GCNT1: variants seen among roughly 807,000 people sequenced by gnomAD.
GCNT1 encodes glucosaminyl (N-acetyl) transferase 1, also known as beta-1,3-galactosyl-O-glycosyl-glycoprotein beta-1,6-N-acetylglucosaminyltransferase.
A neutral mutation model predicts 26.2 loss-of-function variants in GCNT1; 16 were observed. The ratio of observed to expected loss-of-function variants is 0.61; its 90% confidence interval spans 0.41 to 0.93. The LOEUF (loss-of-function observed/expected upper bound fraction) is 0.93, where lower values mean the gene tolerates loss of function less well. Ranked by LOEUF, GCNT1 falls within the 40% of genes least tolerant of loss-of-function variation. The probability of loss-of-function intolerance (pLI) is 0.00; values close to 1 mark genes in which losing one functional copy is unlikely to be tolerated. For synonymous variants in GCNT1, 183 were observed against 190.8 expected, an observed-to-expected ratio of 0.96 and a Z score of 0.34; for missense variants, 477 against 526.7, an observed-to-expected ratio of 0.91 and a Z score of 0.92.
chr9:76,499,278 C>T (rs1343791389), intron 2 of GCNT1, among the ~76,000 whole-genome samples: 1 of 152,058 alleles, frequency 6.6e-6, no homozygotes, highest in Non-Finnish European at 1.5e-5. Flanking sequence ...CAGGCATGCA[C>T]CACTACGCCC....
upstream of GCNT1, among the ~76,000 whole-genome samples, chr9:76,415,373 C>A (rs1484546045): frequency 6.6e-6 from 1 of 152,142 alleles, no homozygotes; most frequent in East Asian, 1.9e-4. Context: ...GTGAACTTCA[C>A]ATACTGTCTC....
chr9:76,498,056 C>T (rs1824959451), intron 2 of GCNT1, among the ~76,000 whole-genome samples: 1 of 152,144 alleles, frequency 6.6e-6, no homozygotes. Context: ...TTTGCTTTTT[C>T]TGGACATTTA....
At chr9:76,445,387 CTTAT>C (rs1823558423) in intron 1 of GCNT1, among the ~76,000 whole-genome samples, 1 of 151,946 alleles carries the variant, frequency 6.6e-6, no homozygotes, top group South Asian at 2.1e-4. Context: ...TTTTCCTTTC[CTTAT>C]TTATTTATTT....
At chr9:76,395,012 T>C in the GCNT1 span, among the ~76,000 whole-genome samples, 2 of 152,214 alleles carry the variant, frequency 1.3e-5, no homozygotes. Flanking sequence ...AGTCCCTGTC[T>C]GTGACGCTGT....
chr9:76,487,637 A>G (rs1824614961), intron 2 of GCNT1, among the ~76,000 whole-genome samples: 1 of 152,128 alleles, frequency 6.6e-6, no homozygotes, highest in Non-Finnish European at 1.5e-5. Flanking sequence ...TTGGCTTGTT[A>G]TATGGCCTAG....
chr9:76,480,503 C>T lies in GCNT1; in HGVS notation c.-290+20326C>T, dbSNP rs542679429. Among the ~76,000 whole-genome samples the T allele has an allele frequency of 4.5e-4, 69 of 152,032 alleles. 2 individuals are homozygous for T. Among genetic ancestry groups the T allele is most frequent in the African/African-American group, 2.4e-5 (1 of 41,384 alleles). On this transcript the variant is annotated intron_variant, in intron 2 of 3. Transcript: ENST00000376730. ...TCCTCCTGACAAATTTACAGTTTTC[C>T]GCTTTGTGGCATAGACTGAGGGTGT... is the stretch of plus-strand genomic sequence containing the variant.
At chr9:76,398,975 G>T in the GCNT1 span, 2 of 1,505,836 alleles carry the variant, frequency 1.3e-6, no homozygotes, top group South Asian at 1.1e-5. Flanking sequence ...GTTTGCTGCT[G>T]CCACTGGAGC....
intron 1 of GCNT1, among the ~76,000 whole-genome samples, chr9:76,442,766 T>G (rs1358577380): frequency 6.6e-6 from 1 of 152,134 alleles, no homozygotes; most frequent in Non-Finnish European, 1.5e-5. Flanking sequence ...AAATGGTTCT[T>G]AAGTTACAAA....
intron 2 of GCNT1, among the ~76,000 whole-genome samples, chr9:76,463,795 T>C (rs1421682251): frequency 1.3e-5 from 2 of 152,162 alleles, no homozygotes; most frequent in Admixed American, 6.5e-5. Flanking sequence ...TCTTAAGTGG[T>C]ACTTAGGAAA....
chr9:76,500,879 C>T (rs1825044483), intron 2 of GCNT1, 37 bp from the exon 3 acceptor site: 1 of 152,078 alleles, frequency 6.6e-6, no homozygotes, highest in African/African-American at 2.4e-5. Flanking sequence ...ACTATGTGTC[C>T]ATATATCCCT....
At chr9:76,413,662 T>TGTTTG in the GCNT1 span, among the ~76,000 whole-genome samples, 6 of 114,486 alleles carry the variant, frequency 5.2e-5, no homozygotes, top group Non-Finnish European at 7.8e-5. Context: ...TGTTTTTTTT[T>TGTTTG]TTTTTGTTTT....
chr9:76,496,655 C>T (rs934271818), intron 2 of GCNT1, among the ~76,000 whole-genome samples: 1 of 152,136 alleles, frequency 6.6e-6, no homozygotes, highest in Non-Finnish European at 1.5e-5. Context: ...TTCTTTTTCC[C>T]TTCCTTGACT....
At chr9:76,394,842 G>C in the GCNT1 span, among the ~76,000 whole-genome samples, 3 of 152,142 alleles carry the variant, frequency 2.0e-5, no homozygotes, top group African/African-American at 4.8e-5. Flanking sequence ...CGCTCGTTCC[G>C]TTCGCTCTTT....
intron 2 of GCNT1, among the ~76,000 whole-genome samples, chr9:76,484,874 C>T (rs558602227): frequency 1.9e-4 from 29 of 150,514 alleles, no homozygotes; most frequent in Admixed American, 1.6e-3. Context: ...CTGCAACCTC[C>T]GCCTCCCAGA....
chr9:76,484,523 C>T (rs2131620619), intron 2 of GCNT1, among the ~76,000 whole-genome samples: 1 of 152,128 alleles, frequency 6.6e-6, no homozygotes, highest in Non-Finnish European at 1.5e-5. Flanking sequence ...TTTTGCAAAT[C>T]TCTTTTACTG....
At position 76,428,292 on chromosome 9, in the gene GCNT1, T is replaced by TAAAAAAAAAAAAAAAAA. The variant is rs1279001629; in HGVS notation, n.38+8416_38+8417insAAAAAAAAAAAAAAAAA. 2.4e-3 allele frequency among the ~76,000 whole-genome samples: 209 copies of TAAAAAAAAAAAAAAAAA among 85,882 alleles called. 12 individuals are homozygous for TAAAAAAAAAAAAAAAAA. Among genetic ancestry groups the TAAAAAAAAAAAAAAAAA allele is most frequent in the Non-Finnish European group, 3.7e-3 (142 of 38,788 alleles). The allele number at this position is 85,882 out of a possible 152,430, so 56.3% of individuals were successfully genotyped here. On this transcript the variant is annotated intron_variant and non_coding_transcript_variant, in intron 1 of 3. Coordinates refer to the GCNT1 transcript ENST00000488136. ...AAAAAAAAAAAAAAAAAAAAAAACT[T>TAAAAAAAAAAAAAAAAA]AAAAAAAAAAAGAGAGAGAGAAATG...
At chr9:76,399,290 A>C in the GCNT1 span, 1 of 1,419,826 alleles carries the variant, frequency 7.0e-7, no homozygotes, top group South Asian at 1.1e-5. Flanking sequence ...GTGGGAGGTC[A>C]TGCCTGATCT....
intron 2 of GCNT1, among the ~76,000 whole-genome samples, chr9:76,467,057 C>A (rs893069427): frequency 7.3e-6 from 1 of 136,594 alleles, no homozygotes; most frequent in African/African-American, 2.7e-5. Flanking sequence ...TTTTTTTTTT[C>A]TTTGAGATGG....
At chr9:76,470,940 C>T (rs555713479) in intron 2 of GCNT1, among the ~76,000 whole-genome samples, 3 of 152,286 alleles carry the variant, frequency 2.0e-5, no homozygotes, top group African/African-American at 7.2e-5. Flanking sequence ...CTTGTTTGTC[C>T]TCTTCATGTA....
Sources: gnomAD v4.1 joint callset for allele counts (sites outside exome capture counted in the v4.1 genomes callset) on GRCh38, gnomAD v4.1.1 for gene constraint, MANE v1.5 for transcripts, NCBI Gene and HGNC (gene_info 2026-07-23, HGNC 2026-07-21) for gene names.